Variants in DPP10 observed in about 807,000 individuals in gnomAD.
DPP10 encodes inactive dipeptidyl peptidase 10.
A neutral mutation model predicts 120.9 loss-of-function variants in DPP10; 33 were observed. That is an observed-to-expected ratio of 0.27 (90% CI 0.21 to 0.37). The LOEUF is 0.37. Among genes scored for constraint, DPP10 ranks in the 10% least tolerant of loss-of-function variants. The pLI, the probability that DPP10 is intolerant of heterozygous loss-of-function variation, is 1.00. For missense variants in DPP10, 816 were observed against 942.8 expected, an observed-to-expected ratio of 0.87 and a Z score of 1.76; for synonymous variants, 337 against 326.1, an observed-to-expected ratio of 1.03 and a Z score of -0.36.
chr2:115,171,003 C>T lies in DPP10; in HGVS notation c.61-138236C>T, dbSNP rs531358201. On this transcript the variant is annotated intron_variant, in intron 1 of 25. Coordinates refer to ENST00000410059, the MANE Select transcript of DPP10 (RefSeq NM_020868.6). ...TCTCCAAACCCAAATCCAGTTCCCT[C>T]CGCCTCTCTACATTTCTGAGAGCCA... 2.0e-5 allele frequency among the ~76,000 whole-genome samples: 3 copies of T among 152,284 alleles called. No homozygotes were observed. In the East Asian group the frequency reaches 5.8e-4, roughly 29 times the overall value.
At chr2:114,847,605 T>G (rs1429044482) in intron 1 of DPP10, among the ~76,000 whole-genome samples, 1 of 152,172 alleles carries the variant, frequency 6.6e-6, no homozygotes, top group East Asian at 1.9e-4. Context: ...GCAGTTCATC[T>G]ATAGAAAGCA....
At position 115,689,938 on chromosome 2, in the gene DPP10, G is replaced by A; in HGVS notation, c.576+17G>A. The A allele has an allele frequency of 6.2e-7, 1 of 1,612,332 alleles. No individual in the cohort carries two copies. Among genetic ancestry groups the A allele is most frequent in the Non-Finnish European group, 8.5e-7 (1 of 1,178,822 alleles). ...CAGCAGCTGGTAAGCGCAGGCATTG[G>A]TATGCACTGAACACTGCCAATCATG... On this transcript the variant is annotated intron_variant, in intron 7 of 25. Transcript: ENST00000410059.
chr2:114,790,832 T>G (rs1344015717), intron 1 of DPP10, among the ~76,000 whole-genome samples: 2 of 152,196 alleles, frequency 1.3e-5, no homozygotes, highest in Non-Finnish European at 2.9e-5. Context: ...ATTCACTTCT[T>G]TTGTGATTCT....
At chr2:114,445,861 G>A (rs190358244) in intron 1 of DPP10, among the ~76,000 whole-genome samples, 1 of 152,212 alleles carries the variant, frequency 6.6e-6, no homozygotes, top group East Asian at 1.9e-4. Flanking sequence ...GGAGAGAAAA[G>A]GGAGTCAAAT....
At chr2:115,050,024 C>G (rs1705355833) in intron 1 of DPP10, 1 of 152,146 alleles carries the variant, frequency 6.6e-6, no homozygotes, top group Non-Finnish European at 1.5e-5. Context: ...AGAATTATTT[C>G]AAAAGAAATT....
intron 3 of DPP10, among the ~76,000 whole-genome samples, chr2:115,447,146 A>G (rs772456552): frequency 6.6e-6 from 1 of 152,176 alleles, no homozygotes; most frequent in Non-Finnish European, 1.5e-5. Flanking sequence ...TGAGACATGG[A>G]ATCAAAGGAG....
At chr2:114,676,821 A>G (rs1211878396) in intron 1 of DPP10, among the ~76,000 whole-genome samples, 1 of 152,122 alleles carries the variant, frequency 6.6e-6, no homozygotes, top group Non-Finnish European at 1.5e-5. Flanking sequence ...CGTGTAGGAT[A>G]GATTCTTCTC....
At chr2:115,766,241 T>C (rs938397735) in intron 12 of DPP10, among the ~76,000 whole-genome samples, 1 of 149,590 alleles carries the variant, frequency 6.7e-6, no homozygotes, top group Non-Finnish European at 1.5e-5. Context: ...AATTGATGAA[T>C]AGATGAATGT....
chr2:115,269,412 GGAATT>G (rs1479130298), intron 1 of DPP10, among the ~76,000 whole-genome samples: 1 of 152,108 alleles, frequency 6.6e-6, no homozygotes, highest in Non-Finnish European at 1.5e-5. Context: ...CCTTTGACTA[GGAATT>G]CAGCATCTCT....
At chr2:114,452,591 A>G (rs1008415816) in intron 1 of DPP10, among the ~76,000 whole-genome samples, 7 of 152,300 alleles carry the variant, frequency 4.6e-5, no homozygotes, top group South Asian at 2.1e-4. Context: ...ACTTATGATC[A>G]TGGTCTTTTG....
intron 1 of DPP10, among the ~76,000 whole-genome samples, chr2:114,804,007 G>A (rs1684497262): frequency 6.6e-6 from 1 of 152,146 alleles, no homozygotes; most frequent in Admixed American, 6.5e-5. Flanking sequence ...GGTCTTATGG[G>A]CCGGGTCCAG....
chr2:115,268,457 A>C (rs1295374789), intron 1 of DPP10, among the ~76,000 whole-genome samples: 2 of 152,220 alleles, frequency 1.3e-5, no homozygotes, highest in Non-Finnish European at 2.9e-5. Context: ...AGAAACCATC[A>C]TGCGACTTCC....
At chr2:115,123,492 A>G (rs1238075078) in intron 1 of DPP10, among the ~76,000 whole-genome samples, 1 of 152,130 alleles carries the variant, frequency 6.6e-6, no homozygotes, top group East Asian at 1.9e-4. Flanking sequence ...TTCCCTTATC[A>G]ATCAACTGTT....
chr2:115,386,013 AG>A (rs1332808960), intron 3 of DPP10, among the ~76,000 whole-genome samples: 4 of 152,228 alleles, frequency 2.6e-5, no homozygotes, highest in African/African-American at 7.2e-5. Context: ...GCTGAATATT[AG>A]GATTTATTAA....
At chr2:114,667,651 C>T (rs1698027563) in intron 1 of DPP10, among the ~76,000 whole-genome samples, 1 of 152,126 alleles carries the variant, frequency 6.6e-6, no homozygotes, top group Non-Finnish European at 1.5e-5. Flanking sequence ...CTCGGGTGTA[C>T]TAATATTGCT....
intron 1 of DPP10, among the ~76,000 whole-genome samples, chr2:114,738,548 G>T (rs555053716): frequency 5.9e-5 from 9 of 152,300 alleles, no homozygotes; most frequent in African/African-American, 2.2e-4. Context: ...TGTGTGGGGA[G>T]CACTAGCCTG....
intron 1 of DPP10, among the ~76,000 whole-genome samples, chr2:114,816,723 A>T (rs1172507785): frequency 6.6e-6 from 1 of 152,362 alleles, no homozygotes; most frequent in Middle Eastern, 3.4e-3. Flanking sequence ...TAGGTGCTCA[A>T]TAAATGATTT....
intron 1 of DPP10, among the ~76,000 whole-genome samples, chr2:114,796,312 A>C (rs1683708932): frequency 6.6e-6 from 1 of 152,220 alleles, no homozygotes. Flanking sequence ...TGAGGTCTGC[A>C]GATGGAGTTG....
chr2:115,395,581 A>G (rs1321613646), intron 3 of DPP10, among the ~76,000 whole-genome samples: 1 of 152,114 alleles, frequency 6.6e-6, no homozygotes, highest in African/African-American at 2.4e-5. Flanking sequence ...CTGCTCTTTG[A>G]AGCTCAGTTT....
Sources: gnomAD v4.1 joint callset for allele counts (sites outside exome capture counted in the v4.1 genomes callset) on GRCh38, gnomAD v4.1.1 for gene constraint, MANE v1.5 for transcripts, NCBI Gene and HGNC (gene_info 2026-07-23, HGNC 2026-07-21) for gene names.